The following ERICH1 variants were observed in gnomAD, a reference collection of about 807,000 sequenced individuals.
ERICH1 encodes the protein glutamate rich 1.
In ERICH1, 56 loss-of-function variants were observed where a neutral mutation model predicts 39.6. That is an observed-to-expected ratio of 1.41 (90% CI 1.14 to 1.77). The LOEUF (loss-of-function observed/expected upper bound fraction) is 1.77. Among genes scored for constraint, ERICH1 ranks in the 40% most tolerant of loss-of-function variants. ERICH1 has a pLI of 0.00. For synonymous variants in ERICH1, 313 were observed against 223.6 expected (o/e 1.40, Z -3.57); for missense variants, 826 against 575.4 (o/e 1.44, Z -4.45).
In ERICH1 at chr8:628,336, T is replaced by C. The variant is rs552425097; in HGVS notation, c.977-13052A>G. Among the ~76,000 whole-genome samples the C allele has an allele frequency of 2.0e-5, 3 of 152,334 alleles. No homozygotes were observed. In the East Asian group the frequency reaches 5.8e-4, roughly 29 times the overall value. Reference sequence around the variant, plus strand: ...CAACTGTCTGCTGTGGAAATACTACTTTACTGGGAGTTTCTCTTGAAGTTT... The same window carrying C: ...CAACTGTCTGCTGTGGAAATACTACCTTACTGGGAGTTTCTCTTGAAGTTT... On this transcript the variant is annotated intron_variant, in intron 3 of 3. Transcript: ENST00000522706.
intron 3 of ERICH1, among the ~76,000 whole-genome samples, chr8:685,259 G>A (rs562518018): frequency 2.6e-5 from 4 of 152,022 alleles, no homozygotes; most frequent in Non-Finnish European, 5.9e-5. Flanking sequence ...ACCCGTTTTC[G>A]GCAATAAGAG....
chr8:640,235 C>G (rs1220502148), intron 3 of ERICH1, among the ~76,000 whole-genome samples: 1 of 152,120 alleles, frequency 6.6e-6, no homozygotes, highest in Non-Finnish European at 1.5e-5. Flanking sequence ...GCAGATGCTC[C>G]TTTTTTATAG....
intron 3 of ERICH1, among the ~76,000 whole-genome samples, chr8:642,955 T>G (rs1016596602): frequency 6.6e-6 from 1 of 152,082 alleles, no homozygotes; most frequent in African/African-American, 2.4e-5. Context: ...AGTGTGCAGG[T>G]GGGAGACGCC....
intron 3 of ERICH1, among the ~76,000 whole-genome samples, chr8:633,734 T>G (rs1024942148): frequency 6.6e-6 from 1 of 152,106 alleles, no homozygotes; most frequent in Non-Finnish European, 1.5e-5. Flanking sequence ...ACCCTCAAAC[T>G]CAAGGTCGAA....
In ERICH1 at chr8:699,919, G is replaced by A. The variant is rs375391311; in HGVS notation, c.170-7307C>T. Among the ~76,000 whole-genome samples the A allele has an allele frequency of 4.5e-3, 192 of 42,290 alleles. 4 individuals carry two copies. Among genetic ancestry groups the A allele is most frequent in the African/African-American group, 8.3e-3 (76 of 9,200 alleles). The allele number at this position is 42,290 out of a possible 152,430, so 27.7% of individuals were successfully genotyped here. ...CGCACAGACCCGCACAGGCGCACAG[G>A]CCCGCACAGGCGCACAGACCCGCAC... On this transcript the variant is annotated intron_variant, in intron 2 of 5. Coordinates refer to ENST00000262109, the MANE Select transcript of ERICH1 (RefSeq NM_207332.3).
At chr8:693,364 G>A (rs1809378343) in intron 2 of ERICH1, among the ~76,000 whole-genome samples, 1 of 152,242 alleles carries the variant, frequency 6.6e-6, no homozygotes, top group Non-Finnish European at 1.5e-5. Flanking sequence ...AGTGAATACA[G>A]TGTGTTAAAA....
At chr8:658,782 C>A (rs769060561) in intron 3 of ERICH1, among the ~76,000 whole-genome samples, 1 of 152,200 alleles carries the variant, frequency 6.6e-6, no homozygotes, top group East Asian at 1.9e-4. Context: ...AGGCCTCGAT[C>A]GGGGACTCCA....
intron 3 of ERICH1, among the ~76,000 whole-genome samples, chr8:690,575 G>A (rs1392011947): frequency 3.9e-5 from 6 of 152,242 alleles, no homozygotes; most frequent in Non-Finnish European, 7.3e-5. Flanking sequence ...CTCAGAGGCC[G>A]GGCAGCCAGG....
At chr8:709,058 C>T (rs562687269) in intron 2 of ERICH1, among the ~76,000 whole-genome samples, 36 of 152,116 alleles carry the variant, frequency 2.4e-4, no homozygotes, top group Admixed American at 7.2e-4. Context: ...AATGGTTGTA[C>T]AACAGTGTCA....
In ERICH1 at chr8:630,011, GACAA is replaced by G. The variant is rs1197058069; in HGVS notation, c.977-14731_977-14728del. Among the ~76,000 whole-genome samples, 170 of 114,726 alleles carry G rather than the reference GACAA, an allele frequency of 1.5e-3. 3 individuals carry two copies. The highest frequency in any genetic ancestry group is 7.8e-3 in the Middle Eastern group (1 of 128). The allele number at this position is 114,726 out of a possible 152,430, so 75.3% of individuals were successfully genotyped here. On this transcript the variant is annotated intron_variant, in intron 3 of 3. Transcript: ENST00000522706. ...ACACCCTCCTGTGAGCACCCACACA[GACAA>G]AGCTGACTCACACCCTCCCGTGACC...
rs532514499 is a variant in ERICH1 at position 635,825 on chromosome 8, G to A, written c.977-20541C>T. On this transcript the variant is annotated intron_variant, in intron 3 of 3. Transcript: ENST00000522706. ...GCGTGCTGCACCCCACAGCAGGGAC[G>A]GTTGGCTCACCAAAGTTTGTGTTCA... Among the ~76,000 whole-genome samples the A allele has an allele frequency of 2.6e-5, 4 of 152,332 alleles. No homozygotes were observed. In the East Asian group the frequency reaches 7.7e-4, roughly 29 times the overall value.
chr8:655,700 CTTCCTTCT>C (rs977188501), intron 3 of ERICH1, among the ~76,000 whole-genome samples: 3 of 116,030 alleles, frequency 2.6e-5, no homozygotes, highest in Admixed American at 8.7e-5. Context: ...TCCTTCCTTC[CTTCCTTCT>C]TTCCTTCCTC....
chr8:623,049 T>C (rs1278956473), intron 3 of ERICH1, among the ~76,000 whole-genome samples: 2 of 151,192 alleles, frequency 1.3e-5, no homozygotes, highest in South Asian at 2.1e-4. Context: ...CAGAAGAGGG[T>C]TTAACACTTC....
intron 3 of ERICH1, among the ~76,000 whole-genome samples, chr8:635,127 G>C (rs1344109631): frequency 1.3e-5 from 2 of 151,954 alleles, no homozygotes; most frequent in Non-Finnish European, 2.9e-5. Context: ...CTCACCAGGA[G>C]TGGGCGTGGC....
rs1345384326 is a variant in ERICH1 at position 673,522 on chromosome 8, G to T, written c.830C>A (p.Thr277Asn). The T allele has an allele frequency of 3.1e-6, 5 of 1,612,632 alleles. No individual in the cohort carries two copies. The Admixed American group carries it at 8.4e-5, about 27-fold the overall frequency. Reference sequence around the variant, plus strand: ...GGCCCGTGTCAGGTCTTCCTCAATGGTGTCCACACCGTCCTCCTCCCTGGC... The same window carrying T: ...GGCCCGTGTCAGGTCTTCCTCAATGTTGTCCACACCGTCCTCCTCCCTGGC... ...KDAREEDGVDTIEEDLTRAGE... is the reference protein window; with the variant it reads ...KDAREEDGVDNIEEDLTRAGE... Residue 277 changes from threonine (T) to asparagine (N), a missense_variant, in exon 4 of 6, where the codon ACC (threonine) becomes AAC (asparagine). Physicochemically the swap from Thr to Asn is moderately conservative, Grantham distance 65. Transcript: ENST00000262109.
chr8:654,436 G>A (rs1800356651), intron 3 of ERICH1, among the ~76,000 whole-genome samples: 1 of 152,116 alleles, frequency 6.6e-6, no homozygotes, highest in African/African-American at 2.4e-5. Context: ...TACGGTGCTG[G>A]GGAGGGCTGT....
intron 2 of ERICH1, among the ~76,000 whole-genome samples, chr8:709,084 G>A (rs1469573820): frequency 6.6e-6 from 1 of 152,166 alleles, no homozygotes; most frequent in East Asian, 1.9e-4. Context: ...CTAAAAAGCA[G>A]TAAATTGTAT....
chr8:633,954 G>A (rs761565462), intron 3 of ERICH1, among the ~76,000 whole-genome samples: 5 of 152,176 alleles, frequency 3.3e-5, no homozygotes, highest in Admixed American at 6.5e-5. Context: ...AAACTGCCAC[G>A]ATGTTGGATT....
Position 649,950 on chromosome 8 carries a change from A to G in ERICH1, c.976+18648T>C, listed in dbSNP as rs561432513. Among the ~76,000 whole-genome samples, 28 of 152,198 alleles carry G rather than the reference A, an allele frequency of 1.8e-4. 1 individual carries two copies. The South Asian group carries it at 5.4e-3, about 29-fold the overall frequency. On this transcript the variant is annotated intron_variant, in intron 3 of 3. Transcript: ENST00000522706. ...GGAAGCGTGTGCTGGCGTCAGGGAG[A>G]AGACGGCAGCCGCGACATCTGGCAC... is the stretch of plus-strand genomic sequence containing the variant.
Sources: gnomAD v4.1 joint callset for allele counts (sites outside exome capture counted in the v4.1 genomes callset) on GRCh38, gnomAD v4.1.1 for gene constraint, MANE v1.5 for transcripts, NCBI Gene and HGNC (gene_info 2026-07-23, HGNC 2026-07-21) for gene names.